Variants in USP13 observed in about 807,000 individuals in gnomAD.
USP13 encodes ubiquitin specific peptidase 13.
In USP13, 68 loss-of-function variants were observed where a neutral mutation model predicts 107.8. The observed-to-expected ratio is 0.63, with a 90% CI of 0.52 to 0.77. USP13 has a LOEUF of 0.77. USP13 is among the 30% of genes least tolerant of loss of function. The pLI, the probability that USP13 is intolerant of heterozygous loss-of-function variation, is 0.00. For synonymous variants in USP13, 377 were observed against 389.5 expected (o/e 0.97, Z 0.38); for missense variants, 945 against 1,093.3 (o/e 0.86, Z 1.91).
intron 5 of USP13, among the ~76,000 whole-genome samples, chr3:179,707,280 C>T (rs1712756115): frequency 1.3e-5 from 2 of 152,180 alleles, no homozygotes; most frequent in South Asian, 2.1e-4. Context: ...AAGCCCTTCC[C>T]TGCCCTGAAG....
chr3:179,735,519 AATC>A (rs1252512778), intron 10 of USP13, among the ~76,000 whole-genome samples: 2 of 152,092 alleles, frequency 1.3e-5, no homozygotes, highest in African/African-American at 2.4e-5. Context: ...CAGCTTCAAT[AATC>A]ATCCTGCAAA....
chr3:179,671,996 G>A (rs535517361), intron 1 of USP13, among the ~76,000 whole-genome samples: 24 of 152,278 alleles, frequency 1.6e-4, no homozygotes, highest in African/African-American at 4.6e-4. Context: ...TTTCCTGAGC[G>A]CGTTGCTCAC....
intron 19 of USP13, among the ~76,000 whole-genome samples, chr3:179,775,785 TGCTCACCCAGAA>T (rs1670806256): frequency 1.3e-5 from 2 of 152,196 alleles, no homozygotes; most frequent in African/African-American, 4.8e-5. Context: ...GCTGAGCCCA[TGCTCACCCAGAA>T]CTCAGTGCTG....
In USP13 at chr3:179,701,086, A is replaced by G. The variant is rs900776388; in HGVS notation, c.434A>G (p.His145Arg). 3 of 1,614,044 alleles carry G rather than the reference A, an allele frequency of 1.9e-6. No homozygotes were observed. The highest frequency in any genetic ancestry group is 1.7e-6 in the Non-Finnish European group (2 of 1,180,016). ...GCCAAACTTGTTATATTCCCAGATCACTATGAAATAGCACTACCAAATATT... is the reference window on the plus strand; with the variant it reads ...GCCAAACTTGTTATATTCCCAGATCGCTATGAAATAGCACTACCAAATATT... Reference protein sequence around the residue: ...DEAKLVIFPDHYEIALPNIEE... With the variant: ...DEAKLVIFPDRYEIALPNIEE... The change falls in exon 4 of 21, where the codon CAC (histidine) becomes CGC (arginine). Residue 145 changes from histidine (H) to arginine (R), a missense_variant. Coordinates refer to ENST00000263966, the MANE Select transcript of USP13 (RefSeq NM_003940.3).
chr3:179,680,669 A>T, intron 1 of USP13, among the ~76,000 whole-genome samples: 1 of 151,978 alleles, frequency 6.6e-6, no homozygotes, highest in East Asian at 1.9e-4. Context: ...CAGCCTACCG[A>T]GTAGCTGGGA....
chr3:179,673,070 T>A (rs1428257877), intron 1 of USP13, among the ~76,000 whole-genome samples: 3 of 152,140 alleles, frequency 2.0e-5, no homozygotes, highest in Non-Finnish European at 4.4e-5. Flanking sequence ...AGGGTTCAAG[T>A]GTCCAGGCTG....
intron 15 of USP13, 101 bp from the exon 16 acceptor site, chr3:179,756,951 G>A: frequency 8.1e-7 from 1 of 1,228,582 alleles, no homozygotes; most frequent in Non-Finnish European, 1.2e-6. Context: ...CCCCAGGAGT[G>A]GGGAGGGCAT....
chr3:179,774,543 G>GTTGCTCATTCCTCCTGTCCAGAT (rs1715449859), intron 19 of USP13, among the ~76,000 whole-genome samples: 1 of 151,894 alleles, frequency 6.6e-6, no homozygotes, highest in African/African-American at 2.4e-5. Context: ...CCTGTCCGGA[G>GTTGCTCATTCCTCCTGTCCAGAT]TTGCTCATTC....
chr3:179,731,153 A>G (rs375694723), intron 10 of USP13, among the ~76,000 whole-genome samples: 1 of 152,160 alleles, frequency 6.6e-6, no homozygotes, highest in African/African-American at 2.4e-5. Flanking sequence ...GCTCACACCT[A>G]TAATCCCGGC....
intron 1 of USP13, among the ~76,000 whole-genome samples, chr3:179,671,387 T>C (rs1480051923): frequency 1.3e-5 from 2 of 152,160 alleles, no homozygotes; most frequent in Admixed American, 1.3e-4. Flanking sequence ...ATTTATATTT[T>C]AATTAAAAAA....
intron 2 of USP13, among the ~76,000 whole-genome samples, chr3:179,688,395 A>G (rs751089461): frequency 2.3e-4 from 35 of 152,182 alleles, no homozygotes; most frequent in Non-Finnish European, 8.8e-5. Flanking sequence ...AATCTGTGGT[A>G]CCATTTGTTT....
intron 1 of USP13, among the ~76,000 whole-genome samples, chr3:179,681,157 G>A (rs562155388): frequency 6.6e-6 from 1 of 152,320 alleles, no homozygotes; most frequent in African/African-American, 2.4e-5. Context: ...TGGAGCCAGG[G>A]CTGGGGTGAA....
chr3:179,665,908 G>A (rs1434925623), intron 1 of USP13, among the ~76,000 whole-genome samples: 1 of 152,120 alleles, frequency 6.6e-6, no homozygotes, highest in Non-Finnish European at 1.5e-5. Context: ...TTTAAACAGT[G>A]TGGTGCTTAA....
At chr3:179,672,374 C>T (rs1389919015) in intron 1 of USP13, among the ~76,000 whole-genome samples, 4 of 150,850 alleles carry the variant, frequency 2.7e-5, no homozygotes, top group African/African-American at 7.3e-5. Context: ...CTGCTCCTTT[C>T]TTTTTCTTTT....
At chr3:179,774,155 A>G (rs1165651995) in intron 19 of USP13, among the ~76,000 whole-genome samples, 2 of 152,324 alleles carry the variant, frequency 1.3e-5, no homozygotes, top group South Asian at 2.1e-4. Flanking sequence ...AACAAGCGAG[A>G]GAGAAGAGGT....
rs1257702289 is a variant in USP13, at chr3:179,784,524, G to C, written c.*383G>C. 1 of 164,784 alleles carries C rather than the reference G, an allele frequency of 6.1e-6. No homozygotes were observed. The highest frequency in any genetic ancestry group is 2.4e-5 in the African/African-American group (1 of 41,684). The allele number at this position is 164,784 out of a possible 1,614,324, so 10.2% of individuals were successfully genotyped here. A position where few individuals can be genotyped will look rare whatever the true frequency, so the allele number is the denominator to read the frequency against. On this transcript the variant is annotated 3_prime_UTR_variant, in exon 21 of 21. Coordinates refer to ENST00000263966, the MANE Select transcript of USP13 (RefSeq NM_003940.3). ...GGAGAAACCAAATAATGTGGCCAGT[G>C]GTGTGGCCTTACCCACAACAAATGA...
chr3:179,759,418 A>T (rs1714927264), intron 16 of USP13, among the ~76,000 whole-genome samples: 1 of 152,172 alleles, frequency 6.6e-6, no homozygotes, highest in Admixed American at 6.5e-5. Context: ...TTACTATAGG[A>T]TTCTTTATTA....
chr3:179,725,059 A>C lies in USP13; in HGVS notation c.1088+3470A>C, dbSNP rs575867416. Among the ~76,000 whole-genome samples, 368 of 152,116 alleles carry C rather than the reference A, an allele frequency of 2.4e-3. 5 individuals carry two copies. Among genetic ancestry groups the C allele is most frequent in the African/African-American group, 8.6e-3 (356 of 41,456 alleles). ...ACATGGCAAAACCCCACTCTACTAA[A>C]AAATTAGCCAGGCGTGGTGGTGCGT... On this transcript the variant is annotated intron_variant, in intron 8 of 20. Coordinates refer to ENST00000263966, the MANE Select transcript of USP13 (RefSeq NM_003940.3).
intron 1 of USP13, among the ~76,000 whole-genome samples, chr3:179,680,700 G>A (rs866382629): frequency 6.6e-6 from 1 of 151,948 alleles, no homozygotes; most frequent in Non-Finnish European, 1.5e-5. Context: ...GCACCACCAC[G>A]CCCGGCTAAT....
Sources: gnomAD v4.1 joint callset for allele counts (sites outside exome capture counted in the v4.1 genomes callset) on GRCh38, gnomAD v4.1.1 for gene constraint, MANE v1.5 for transcripts, NCBI Gene and HGNC (gene_info 2026-07-23, HGNC 2026-07-21) for gene names.